The following UNC5D variants were observed in gnomAD, a reference collection of about 807,000 sequenced individuals.
UNC5D encodes unc-5 netrin receptor D.
UNC5D carries 39 observed loss-of-function variants against 105.4 expected under a neutral mutation model. That is an observed-to-expected ratio of 0.37 (90% CI 0.29 to 0.48). UNC5D has a LOEUF of 0.48. Among genes scored for constraint, UNC5D ranks in the 20% least tolerant of loss-of-function variants. The pLI, the probability that UNC5D is intolerant of heterozygous loss-of-function variation, is 0.98. For missense variants in UNC5D, 991 were observed against 1,202.4 expected (o/e 0.82, Z 2.60); for synonymous variants, 452 against 450.4 (o/e 1.00, Z -0.04).
intron 1 of UNC5D, among the ~76,000 whole-genome samples, chr8:35,308,226 A>G (rs1426612589): frequency 6.6e-6 from 1 of 151,600 alleles, no homozygotes; most frequent in African/African-American, 2.4e-5. Flanking sequence ...GTTTCTGTCA[A>G]GGAGGTATTC....
At chr8:35,427,399 A>C (rs1806325745) in intron 1 of UNC5D, among the ~76,000 whole-genome samples, 1 of 152,174 alleles carries the variant, frequency 6.6e-6, no homozygotes, top group Non-Finnish European at 1.5e-5. Context: ...AAACAGAACA[A>C]TGGGTCCCGA....
intron 1 of UNC5D, among the ~76,000 whole-genome samples, chr8:35,276,893 T>A (rs991748434): frequency 2.0e-5 from 3 of 152,164 alleles, no homozygotes; most frequent in Non-Finnish European, 2.9e-5. Flanking sequence ...CCTTTATGAT[T>A]TAGCAGGAGA....
At chr8:35,701,429 C>T (rs529897832) in intron 7 of UNC5D, among the ~76,000 whole-genome samples, 144 of 152,282 alleles carry the variant, frequency 9.5e-4, no homozygotes, top group African/African-American at 3.2e-3. Context: ...ATGTGGGCTG[C>T]ATGCAGCTGA....
intron 2 of UNC5D, among the ~76,000 whole-genome samples, chr8:35,555,942 G>A (rs563660064): frequency 1.3e-5 from 2 of 148,448 alleles, no homozygotes; most frequent in Middle Eastern, 3.3e-3. Flanking sequence ...GAAACCTGAG[G>A]TTAGCCTAAT....
intron 7 of UNC5D, among the ~76,000 whole-genome samples, chr8:35,704,763 C>T (rs149631450): frequency 2.0e-5 from 3 of 152,070 alleles, no homozygotes; most frequent in Non-Finnish European, 4.4e-5. Context: ...CTGAGATGGA[C>T]GAGGGCAGGG....
intron 4 of UNC5D, among the ~76,000 whole-genome samples, chr8:35,596,531 C>T (rs1276840129): frequency 6.6e-6 from 1 of 152,096 alleles, no homozygotes; most frequent in Non-Finnish European, 1.5e-5. Context: ...GGATGCGTGC[C>T]CATGACACAG....
At chr8:35,630,521 G>T (rs1396635670) in intron 4 of UNC5D, among the ~76,000 whole-genome samples, 1 of 152,128 alleles carries the variant, frequency 6.6e-6, no homozygotes, top group Non-Finnish European at 1.5e-5. Flanking sequence ...TTCTCTCTCC[G>T]TGTGATTTCA....
chr8:35,515,160 T>G (rs576586742), intron 1 of UNC5D, among the ~76,000 whole-genome samples: 1 of 152,334 alleles, frequency 6.6e-6, no homozygotes, highest in South Asian at 2.1e-4. Flanking sequence ...TGTAACTGTT[T>G]TCTTGTATTC....
At chr8:35,474,405 C>G (rs1809942015) in intron 1 of UNC5D, among the ~76,000 whole-genome samples, 1 of 152,116 alleles carries the variant, frequency 6.6e-6, no homozygotes, top group African/African-American at 2.4e-5. Context: ...CTTTCTACCA[C>G]CCAAAATAGA....
At chr8:35,483,466 T>C (rs1261663829) in intron 1 of UNC5D, among the ~76,000 whole-genome samples, 3 of 152,208 alleles carry the variant, frequency 2.0e-5, no homozygotes, top group African/African-American at 7.2e-5. Flanking sequence ...ATTTCATACA[T>C]TGCTAGCAAG....
intron 1 of UNC5D, among the ~76,000 whole-genome samples, chr8:35,372,640 G>A (rs1416120123): frequency 6.6e-6 from 1 of 151,660 alleles, no homozygotes; most frequent in East Asian, 1.9e-4. Context: ...GTCTTGCTCT[G>A]TCACCCAGGC....
intron 12 of UNC5D, 124 bp from the exon 13 acceptor site, chr8:35,750,458 G>A (rs1375286627): frequency 2.2e-6 from 2 of 928,518 alleles, no homozygotes; most frequent in Admixed American, 2.1e-5. Context: ...CGGGATAATT[G>A]GGCAATAGGA....
chr8:35,434,497 C>T (rs1806873976), intron 1 of UNC5D, among the ~76,000 whole-genome samples: 1 of 152,104 alleles, frequency 6.6e-6, no homozygotes, highest in South Asian at 2.1e-4. Flanking sequence ...ACAATATTTG[C>T]TTCCAGACTT....
chr8:35,343,102 C>T (rs983868582), intron 1 of UNC5D, among the ~76,000 whole-genome samples: 1 of 152,000 alleles, frequency 6.6e-6, no homozygotes, highest in Non-Finnish European at 1.5e-5. Flanking sequence ...TGACAAGTTC[C>T]TAGGTGATAC....
chr8:35,453,193 TC>T (rs1808281442), intron 1 of UNC5D, among the ~76,000 whole-genome samples: 1 of 152,182 alleles, frequency 6.6e-6, no homozygotes, highest in African/African-American at 2.4e-5. Context: ...GAATTTCTGT[TC>T]CTGTCTCCAG....
At chr8:35,549,641 G>A (rs778781208) in intron 2 of UNC5D, 131 bp downstream of exon 2, 1 of 829,516 alleles carries the variant, frequency 1.2e-6, no homozygotes, top group Non-Finnish European at 1.8e-6. Context: ...ATCACTCCCA[G>A]CATATAAGAT....
At chr8:35,433,494 C>T (rs536959971) in intron 1 of UNC5D, among the ~76,000 whole-genome samples, 2 of 151,930 alleles carry the variant, frequency 1.3e-5, no homozygotes, top group East Asian at 3.9e-4. Context: ...TCTATCAACT[C>T]CCCCTTCAAA....
chr8:35,616,288 A>C (rs1821020313), intron 4 of UNC5D, among the ~76,000 whole-genome samples: 1 of 152,204 alleles, frequency 6.6e-6, no homozygotes, highest in African/African-American at 2.4e-5. Context: ...TTTATGTGTC[A>C]GATATTGTGT....
At chr8:35,597,960 A>G (rs1390614083) in intron 4 of UNC5D, among the ~76,000 whole-genome samples, 1 of 152,092 alleles carries the variant, frequency 6.6e-6, no homozygotes, top group African/African-American at 2.4e-5. Flanking sequence ...TGACTGCGCT[A>G]CAGTCACCCT....
Sources: gnomAD v4.1 joint callset for allele counts (sites outside exome capture counted in the v4.1 genomes callset) on GRCh38, gnomAD v4.1.1 for gene constraint, MANE v1.5 for transcripts, NCBI Gene and HGNC (gene_info 2026-07-23, HGNC 2026-07-21) for gene names.